The following SLC30A6 variants were observed in gnomAD, a reference collection of about 807,000 sequenced individuals.
SLC30A6 encodes zinc transporter 6.
In SLC30A6, 55 loss-of-function variants were observed where a neutral mutation model predicts 63.0. The observed-to-expected ratio is 0.87, with a 90% CI of 0.70 to 1.09. The LOEUF (loss-of-function observed/expected upper bound fraction) is 1.09. SLC30A6 is among the 50% of genes least tolerant of loss of function. The pLI, the probability that SLC30A6 is intolerant of heterozygous loss-of-function variation, is 0.00. For missense variants in SLC30A6, 587 were observed against 549.2 expected (o/e 1.07, Z -0.69); for synonymous variants, 224 against 186.1 (o/e 1.20, Z -1.66).
chr2:32,197,211 A>C (rs1683867752), intron 8 of SLC30A6, 133 bp from the exon 9 acceptor site: 3 of 711,708 alleles, frequency 4.2e-6, no homozygotes, highest in Non-Finnish European at 4.7e-6. Flanking sequence ...TATAGATTTG[A>C]GGAGTAGCAT....
rs758386083 is a variant in SLC30A6 at position 32,192,872 on chromosome 2, CTT to C, written c.366-44_366-43del. On this transcript the variant is annotated intron_variant, in intron 6 of 13. Coordinates refer to ENST00000282587, the MANE Select transcript of SLC30A6 (RefSeq NM_017964.5). ...TGATATATTTAATAAAGCTTTTTAA[CTT>C]TATAATTTATAGGACTTATTTAATA... The C allele has an allele frequency of 1.4e-5, 17 of 1,247,912 alleles. No individual in the cohort carries two copies. The East Asian group carries it at 4.6e-4, about 34-fold the overall frequency. 77.3% of individuals were successfully genotyped at this position (1,247,912 alleles called of 1,614,324 possible).
At chr2:32,183,374 G>A (rs1422439398) in intron 4 of SLC30A6, among the ~76,000 whole-genome samples, 2 of 151,832 alleles carry the variant, frequency 1.3e-5, no homozygotes, top group Non-Finnish European at 2.9e-5. Context: ...CATGAGATAG[G>A]AGTATATTAT....
At chr2:32,187,392 A>G in intron 5 of SLC30A6, 1 of 385,812 alleles carries the variant, frequency 2.6e-6, no homozygotes, top group South Asian at 2.0e-5. Context: ...TGCTTGGGCC[A>G]GCTTGGAACA....
intron 6 of SLC30A6, 109 bp from the exon 7 acceptor site, chr2:32,192,809 T>C (rs1683451112): frequency 6.2e-6 from 4 of 644,992 alleles, no homozygotes; most frequent in East Asian, 3.2e-5. Flanking sequence ...TTAATAGTTA[T>C]AATATTAAAA....
intron 13 of SLC30A6, chr2:32,214,374 A>G (rs890387681): frequency 7.9e-5 from 12 of 152,092 alleles, no homozygotes; most frequent in Non-Finnish European, 1.6e-4. Context: ...GCCTTCTAGA[A>G]TGCCTTTTAG....
intron 5 of SLC30A6, among the ~76,000 whole-genome samples, chr2:32,189,281 C>CTTTTT (rs61221362): frequency 4.4e-5 from 5 of 114,872 alleles, no homozygotes; most frequent in African/African-American, 6.5e-5. Context: ...TTGATACTGT[C>CTTTTT]TTTTTTTTTT....
intron 13 of SLC30A6, among the ~76,000 whole-genome samples, chr2:32,211,286 G>T (rs553699873): frequency 2.5e-4 from 38 of 152,296 alleles, no homozygotes; most frequent in Admixed American, 4.6e-4. Flanking sequence ...AGAAGGGGCC[G>T]TTGGGAACAA....
intron 4 of SLC30A6, among the ~76,000 whole-genome samples, chr2:32,180,650 C>T (rs925670443): frequency 2.0e-5 from 3 of 152,062 alleles, no homozygotes; most frequent in African/African-American, 7.2e-5. Context: ...CCAGGCTGGT[C>T]TTGAACTCCT....
chr2:32,180,554 G>A (rs901691947), intron 4 of SLC30A6, among the ~76,000 whole-genome samples: 35 of 152,076 alleles, frequency 2.3e-4, no homozygotes, highest in African/African-American at 8.0e-4. Flanking sequence ...TGTCTTAGCC[G>A]CCCGAGTAGC....
chr2:32,177,887 C>A (rs1309183301), intron 4 of SLC30A6, among the ~76,000 whole-genome samples: 1 of 152,030 alleles, frequency 6.6e-6, no homozygotes, highest in African/African-American at 2.4e-5. Flanking sequence ...CCTCCGCCTC[C>A]CAAAGTGCTA....
Position 32,220,104 on chromosome 2 carries a change from A to G in SLC30A6, c.886-109A>G, listed in dbSNP as rs921937445. On this transcript the variant is annotated intron_variant, in intron 13 of 13. Coordinates refer to ENST00000282587, the MANE Select transcript of SLC30A6 (RefSeq NM_017964.5). ...ATATTAACATTAAGCTTTTTCTTTCAAAGAAAATGCCAGGAACTTACCAAA... is the reference window on the plus strand; with the variant it reads ...ATATTAACATTAAGCTTTTTCTTTCGAAGAAAATGCCAGGAACTTACCAAA... 3.9e-6 allele frequency: 5 copies of G among 1,290,132 alleles called. No homozygotes were observed. The African/African-American group carries it at 6.2e-5, about 16-fold the overall frequency. The allele number at this position is 1,290,132 out of a possible 1,614,324, so 79.9% of individuals were successfully genotyped here.
chr2:32,219,408 T>G (rs1685973773), intron 13 of SLC30A6, among the ~76,000 whole-genome samples: 1 of 151,900 alleles, frequency 6.6e-6, no homozygotes, highest in African/African-American at 2.4e-5. Flanking sequence ...TCCCTCCTCC[T>G]TCTTCTGCCC....
chr2:32,197,275 A>C (rs1437772970), intron 8 of SLC30A6, 69 bp from the exon 9 acceptor site: 1 of 1,364,936 alleles, frequency 7.3e-7, no homozygotes, highest in African/African-American at 1.5e-5. Flanking sequence ...AAAATTAAAG[A>C]ACTCAAATAT....
chr2:32,210,534 A>AT (rs2148896636), intron 13 of SLC30A6, among the ~76,000 whole-genome samples: 2 of 149,126 alleles, frequency 1.3e-5, no homozygotes, highest in East Asian at 3.9e-4. Flanking sequence ...AAAAAAAAAA[A>AT]AAAACAACAG....
At chr2:32,200,422 G>A (rs1172736679) in intron 10 of SLC30A6, among the ~76,000 whole-genome samples, 2 of 151,838 alleles carry the variant, frequency 1.3e-5, no homozygotes, top group East Asian at 3.9e-4. Flanking sequence ...AGGGGGAAAG[G>A]TGGGGAAAAG....
At chr2:32,209,624 GA>G (rs1276003191) in intron 13 of SLC30A6, 63 bp downstream of exon 13, 164 of 1,371,922 alleles carry the variant, frequency 1.2e-4, no homozygotes, top group Admixed American at 9.3e-4. Context: ...TTTTAAAACT[GA>G]AAAAAAATAT....
intron 5 of SLC30A6, among the ~76,000 whole-genome samples, chr2:32,189,261 T>G (rs562893364): frequency 9.8e-4 from 147 of 150,722 alleles, no homozygotes; most frequent in Middle Eastern, 3.4e-3. Flanking sequence ...CTTCCTGTCC[T>G]TGACAACAGT....
chr2:32,206,668 T>C (rs1464024042), intron 11 of SLC30A6, among the ~76,000 whole-genome samples: 2 of 152,214 alleles, frequency 1.3e-5, no homozygotes, highest in Non-Finnish European at 2.9e-5. Flanking sequence ...GTTATTTATC[T>C]TTTTATCTTA....
chr2:32,206,169 G>A lies in SLC30A6; in HGVS notation c.769-717G>A, dbSNP rs1235384020. On this transcript the variant is annotated intron_variant, in intron 11 of 13. Coordinates refer to ENST00000282587, the MANE Select transcript of SLC30A6 (RefSeq NM_017964.5). ...ATGAATAGAAAGGCAGTTTCCGGCC[G>A]GGCGCGGTGGCTCATGCCTGTAATC... Among the ~76,000 whole-genome samples the A allele has an allele frequency of 2.6e-5, 4 of 151,948 alleles. No individual in the cohort carries two copies. In the East Asian group the frequency reaches 7.7e-4, roughly 29 times the overall value.
Sources: gnomAD v4.1 joint callset for allele counts (sites outside exome capture counted in the v4.1 genomes callset) on GRCh38, gnomAD v4.1.1 for gene constraint, MANE v1.5 for transcripts, NCBI Gene and HGNC (gene_info 2026-07-23, HGNC 2026-07-21) for gene names.